The following RAD51B variants were observed in gnomAD, a reference collection of about 807,000 sequenced individuals.
The protein encoded by RAD51B is DNA repair protein RAD51 homolog 2.
In RAD51B, 38 loss-of-function variants were observed where a neutral mutation model predicts 42.2. That is an observed-to-expected ratio of 0.90 (90% CI 0.70 to 1.18). The LOEUF is 1.18. Among genes scored for constraint, RAD51B ranks in the 50% most tolerant of loss-of-function variants. RAD51B has a pLI of 0.00. For synonymous variants in RAD51B, 154 were observed against 145.2 expected (o/e 1.06, Z -0.43); for missense variants, 373 against 400.7 (o/e 0.93, Z 0.59).
intron 7 of RAD51B, among the ~76,000 whole-genome samples, chr14:68,287,230 T>A (rs2081430593): frequency 6.6e-6 from 1 of 152,184 alleles, no homozygotes; most frequent in South Asian, 2.1e-4. Flanking sequence ...TCTCCCTATT[T>A]TTCCTTGTGG....
intron 7 of RAD51B, among the ~76,000 whole-genome samples, chr14:67,926,604 G>A (rs544895498): frequency 2.0e-4 from 24 of 120,326 alleles, no homozygotes; most frequent in African/African-American, 4.0e-4. Flanking sequence ...TTGGTCTGTC[G>A]CCACACTGGA....
intron 7 of RAD51B, among the ~76,000 whole-genome samples, chr14:68,183,579 C>A (rs538433444): frequency 6.6e-6 from 1 of 152,150 alleles, no homozygotes; most frequent in African/African-American, 2.4e-5. Context: ...GTATTATAAC[C>A]GTCACACATC....
chr14:68,560,733 T>C (rs192418602), intron 10 of RAD51B, among the ~76,000 whole-genome samples: 2 of 152,148 alleles, frequency 1.3e-5, no homozygotes, highest in African/African-American at 4.8e-5. Context: ...TGAGACTCCA[T>C]CTCAAAAACA....
chr14:68,520,339 A>C (rs964286199), intron 10 of RAD51B, among the ~76,000 whole-genome samples: 11 of 152,230 alleles, frequency 7.2e-5, no homozygotes, highest in African/African-American at 2.7e-4. Context: ...ATTATAGGCA[A>C]GTAAATTATG....
At chr14:68,552,413 A>C (rs1439444287) in intron 10 of RAD51B, among the ~76,000 whole-genome samples, 1 of 152,078 alleles carries the variant, frequency 6.6e-6, no homozygotes, top group Admixed American at 6.6e-5. Context: ...TGACAATCAA[A>C]AACTCCCCCA....
chr14:67,860,919 C>T (rs141439691), intron 4 of RAD51B, among the ~76,000 whole-genome samples: 2 of 152,166 alleles, frequency 1.3e-5, no homozygotes, highest in Non-Finnish European at 1.5e-5. Context: ...TTAGGCTGGG[C>T]ATGTTGGCTC....
intron 10 of RAD51B, among the ~76,000 whole-genome samples, chr14:68,582,973 G>A (rs1330847634): frequency 6.6e-6 from 1 of 152,050 alleles, no homozygotes; most frequent in African/African-American, 2.4e-5. Context: ...ACACAGGGAG[G>A]GGAACGTCAC....
At position 68,100,485 on chromosome 14, in the gene RAD51B, C is replaced by A. The variant is rs543392104; in HGVS notation, c.757-191399C>A. ...TGAGCCACTGCACGTGGCCCAAAGT[C>A]TGTAATTTTTTTCAGTAAAGATTGA... On this transcript the variant is annotated intron_variant, in intron 7 of 10. Transcript: ENST00000471583. Among the ~76,000 whole-genome samples the A allele has an allele frequency of 2.3e-4, 35 of 152,226 alleles. No homozygotes were observed. The South Asian group carries it at 7.1e-3, about 31-fold the overall frequency.
At chr14:68,490,222 A>G (rs1883954720) in intron 10 of RAD51B, among the ~76,000 whole-genome samples, 1 of 152,192 alleles carries the variant, frequency 6.6e-6, no homozygotes, top group Non-Finnish European at 1.5e-5. Context: ...TATTTATGTG[A>G]TTTTAATTTA....
intron 10 of RAD51B, among the ~76,000 whole-genome samples, chr14:68,571,423 G>C (rs185130971): frequency 9.2e-4 from 140 of 152,316 alleles, no homozygotes; most frequent in Non-Finnish European, 1.6e-3. Flanking sequence ...GTGTTGTCTT[G>C]TTTTTTCCAG....
chr14:68,012,573 G>A (rs935141946), intron 7 of RAD51B, among the ~76,000 whole-genome samples: 10 of 152,028 alleles, frequency 6.6e-5, no homozygotes, highest in South Asian at 2.1e-4. Flanking sequence ...CATTCAAAAC[G>A]TGCCAGCAAC....
intron 10 of RAD51B, among the ~76,000 whole-genome samples, chr14:68,626,546 C>T (rs1892087187): frequency 6.6e-6 from 1 of 152,240 alleles, no homozygotes; most frequent in Non-Finnish European, 1.5e-5. Context: ...GTCACCATCA[C>T]TCACTCACAT....
intron 7 of RAD51B, among the ~76,000 whole-genome samples, chr14:68,026,050 T>C (rs996331982): frequency 6.6e-6 from 1 of 152,124 alleles, no homozygotes; most frequent in Non-Finnish European, 1.5e-5. Context: ...GGAAGTTATG[T>C]TTCTATTTTC....
chr14:68,533,550 G>A (rs1887439238), intron 10 of RAD51B, among the ~76,000 whole-genome samples: 1 of 152,182 alleles, frequency 6.6e-6, no homozygotes, highest in Admixed American at 6.5e-5. Context: ...CAATTCCTAT[G>A]CCAGTAGTTG....
At chr14:68,297,959 T>A (rs2139680081) in intron 8 of RAD51B, among the ~76,000 whole-genome samples, 1 of 152,298 alleles carries the variant, frequency 6.6e-6, no homozygotes, top group Non-Finnish European at 1.5e-5. Context: ...TCAGTTTTTG[T>A]TTCCAAAGCC....
chr14:68,490,258 AAG>A (rs1168562972), intron 10 of RAD51B, among the ~76,000 whole-genome samples: 2 of 152,204 alleles, frequency 1.3e-5, no homozygotes, highest in African/African-American at 4.8e-5. Context: ...TTCTTTTGCA[AAG>A]AGAATATATT....
chr14:68,386,369 A>T (rs1475573330), intron 8 of RAD51B, among the ~76,000 whole-genome samples: 3 of 152,254 alleles, frequency 2.0e-5, no homozygotes, highest in Non-Finnish European at 4.4e-5. Context: ...TGAATGATCT[A>T]TGCAGAATAT....
At chr14:68,628,515 G>C (rs774394662) in intron 10 of RAD51B, 1 of 152,280 alleles carries the variant, frequency 6.6e-6, no homozygotes, top group African/African-American at 2.4e-5. Context: ...AATATCTGAC[G>C]AATATTCCCC....
intron 7 of RAD51B, among the ~76,000 whole-genome samples, chr14:68,255,476 A>G (rs1360075050): frequency 1.3e-5 from 2 of 152,204 alleles, no homozygotes; most frequent in Non-Finnish European, 2.9e-5. Context: ...TTCCTTTTAT[A>G]AGACAATCAT....
Sources: gnomAD v4.1 joint callset for allele counts (sites outside exome capture counted in the v4.1 genomes callset) on GRCh38, gnomAD v4.1.1 for gene constraint, MANE v1.5 for transcripts, NCBI Gene and HGNC (gene_info 2026-07-23, HGNC 2026-07-21) for gene names.